SIAE: variants seen among roughly 807,000 people sequenced by gnomAD.
The protein encoded by SIAE is sialate O-acetylesterase.
Under a neutral mutation model 52.6 loss-of-function variants are expected in SIAE, and 39 were observed. That is an observed-to-expected ratio of 0.74 (90% CI 0.57 to 0.97). The LOEUF (loss-of-function observed/expected upper bound fraction) is 0.97, where lower values mean the gene tolerates loss of function less well. SIAE is among the 50% of genes least tolerant of loss of function. The pLI, the probability that SIAE is intolerant of heterozygous loss-of-function variation, is 0.00. For missense variants in SIAE, 592 were observed against 662.1 expected (o/e 0.89, Z 1.16); for synonymous variants, 233 against 241.4 (o/e 0.97, Z 0.32).
chr11:124,655,205 C>T (rs1307286320), intron 3 of SIAE, among the ~76,000 whole-genome samples: 1 of 144,204 alleles, frequency 6.9e-6, no homozygotes, highest in African/African-American at 2.7e-5. Flanking sequence ...GTGAGACAGT[C>T]TTGCTCTCTC....
intron 5 of SIAE, among the ~76,000 whole-genome samples, chr11:124,649,252 AG>A (rs1942983113): frequency 6.6e-6 from 1 of 151,626 alleles, no homozygotes; most frequent in East Asian, 1.9e-4. Context: ...TCTGAAATGT[AG>A]TGTCTTCACC....
intron 9 of SIAE, 70 bp downstream of exon 9, chr11:124,638,472 G>T: frequency 6.6e-7 from 1 of 1,512,778 alleles, no homozygotes; most frequent in Non-Finnish European, 9.2e-7. Flanking sequence ...AAAAGAGATG[G>T]CCTCAAGTGC....
chr11:124,644,353 G>GAAAA (rs370589585), intron 7 of SIAE, among the ~76,000 whole-genome samples: 6 of 102,146 alleles, frequency 5.9e-5, no homozygotes, highest in Admixed American at 1.1e-4. Context: ...TCTGTGGTGA[G>GAAAA]AAAAAAAAAA....
rs749083788 is a variant in SIAE, at chr11:124,660,651, T to C, written c.382A>G (p.Asn128Asp). Residue 128 changes from asparagine (N) to aspartate (D), a missense_variant, in exon 3 of 10, where the codon AAC (asparagine) becomes GAC (aspartate). Asn to Asp is a conservative substitution (Grantham distance 23). Transcript: ENST00000263593. ...GDVWLCSGQS[N>D]MQMTVLQIFN... ...ACCTGTAACACAGTCATCTGCATGT[T>C]ACTCTGCCCACTACAGAGCCAGACA... The C allele has an allele frequency of 3.1e-6, 5 of 1,614,188 alleles. No individual in the cohort carries two copies. In the South Asian group the frequency reaches 5.5e-5, roughly 18 times the overall value.
chr11:124,651,824 G>A (rs572944868), intron 4 of SIAE, among the ~76,000 whole-genome samples: 4 of 152,234 alleles, frequency 2.6e-5, no homozygotes, highest in South Asian at 4.2e-4. Flanking sequence ...CCTGATTCAC[G>A]TCTGTATCCC....
intron 2 of SIAE, among the ~76,000 whole-genome samples, chr11:124,666,049 C>T (rs1405107891): frequency 6.6e-6 from 1 of 152,118 alleles, no homozygotes; most frequent in Non-Finnish European, 1.5e-5. Flanking sequence ...GCTCGTATTC[C>T]TTGTGTCTGA....
intron 3 of SIAE, among the ~76,000 whole-genome samples, chr11:124,656,471 T>A (rs936056236): frequency 6.6e-6 from 1 of 152,066 alleles, no homozygotes; most frequent in East Asian, 1.9e-4. Context: ...CAAAGATAAA[T>A]CATATTTTCC....
chr11:124,666,978 T>G (rs1470008007), intron 2 of SIAE, among the ~76,000 whole-genome samples: 1 of 152,176 alleles, frequency 6.6e-6, no homozygotes, highest in Non-Finnish European at 1.5e-5. Flanking sequence ...GAAACAGGCA[T>G]GAAGGGAGAA....
At chr11:124,675,305 A>G (rs753028777), upstream of SIAE, 10 of 1,614,176 alleles carry the variant, frequency 6.2e-6, no homozygotes, top group Non-Finnish European at 8.5e-6. Flanking sequence ...CGAATTCCAC[A>G]AGGATTTGGG....
At chr11:124,663,509 G>A (rs955617575) in intron 2 of SIAE, among the ~76,000 whole-genome samples, 2 of 152,334 alleles carry the variant, frequency 1.3e-5, no homozygotes, top group East Asian at 1.9e-4. Context: ...GGGAGGCGGA[G>A]CTTGCAGTGA....
rs1230396657 is a variant in SIAE, at chr11:124,635,745, T to C, written c.*1206A>G. On this transcript the variant is annotated 3_prime_UTR_variant, in exon 10 of 10. Transcript: ENST00000263593. ...CCCATAGATAGTATTCTTACTCCTT[T>C]TCACATGCTTCAAGGACAGTTTGCA... is the stretch of plus-strand genomic sequence containing the variant. 6.6e-6 allele frequency: 1 copy of C among 152,222 alleles called. No homozygotes were observed. The highest frequency in any genetic ancestry group is 1.5e-5 in the Non-Finnish European group (1 of 68,042). The allele number at this position is 152,222 out of a possible 1,614,324, so 9.4% of individuals were successfully genotyped here.
chr11:124,655,035 T>C (rs997890366), intron 3 of SIAE, among the ~76,000 whole-genome samples: 2 of 152,172 alleles, frequency 1.3e-5, no homozygotes, highest in African/African-American at 2.4e-5. Context: ...AGCAGGTCTA[T>C]GTTAGACAAG....
chr11:124,650,306 G>C (rs1296623567), intron 4 of SIAE, among the ~76,000 whole-genome samples: 3 of 152,092 alleles, frequency 2.0e-5, no homozygotes, highest in African/African-American at 7.2e-5. Context: ...CCTCAAATAG[G>C]TGAGAGGTGG....
intron 4 of SIAE, among the ~76,000 whole-genome samples, chr11:124,651,021 C>T (rs1943008857): frequency 6.6e-6 from 1 of 152,102 alleles, no homozygotes; most frequent in African/African-American, 2.4e-5. Context: ...CATGCATGTA[C>T]ACACAAGGAT....
At chr11:124,675,436 A>G (rs770934856), upstream of SIAE, 1 of 1,599,720 alleles carries the variant, frequency 6.3e-7, no homozygotes, top group South Asian at 1.1e-5. Flanking sequence ...TTCTAAAATT[A>G]GTCATTTTTT....
intron 7 of SIAE, among the ~76,000 whole-genome samples, chr11:124,641,975 A>AAAAAAAG (rs1565408700): frequency 4.7e-5 from 7 of 149,730 alleles, no homozygotes; most frequent in African/African-American, 1.5e-4. Flanking sequence ...AAAAAAAAAA[A>AAAAAAAG]AAAAAAGAAA....
Position 124,639,690 on chromosome 11 carries a change from A to G in SIAE, c.1124+20T>C. ...CAAAGAACATACACTGTTCATGCAA[A>G]GCCCAAGAAGCAATCATACCTGCCA... is the stretch of plus-strand genomic sequence containing the variant. On this transcript the variant is annotated intron_variant, in intron 8 of 9. Coordinates refer to ENST00000263593, the MANE Select transcript of SIAE (RefSeq NM_170601.5). 6.2e-7 allele frequency: 1 copy of G among 1,613,962 alleles called. No individual in the cohort carries two copies. Among genetic ancestry groups the G allele is most frequent in the Non-Finnish European group, 8.5e-7 (1 of 1,179,836 alleles).
rs2134347132 is a variant in SIAE, at chr11:124,636,216, T to C, written c.*735A>G. 6.5e-6 allele frequency: 1 copy of C among 152,838 alleles called. No individual in the cohort carries two copies. The highest frequency in any genetic ancestry group is 2.1e-4 in the South Asian group (1 of 4,838). 9.5% of individuals were successfully genotyped at this position (152,838 alleles called of 1,614,324 possible). A position where few individuals can be genotyped will look rare whatever the true frequency, so the allele number is the denominator to read the frequency against. ...GGCAGTCACTTAGCACCTTCCAAAGTGCCTGCACATGTTTCTTATTTCATT... is the reference window on the plus strand; with the variant it reads ...GGCAGTCACTTAGCACCTTCCAAAGCGCCTGCACATGTTTCTTATTTCATT... On this transcript the variant is annotated 3_prime_UTR_variant, in exon 10 of 10. Transcript: ENST00000263593.
chr11:124,638,767 T>C, intron 8 of SIAE, 30 bp from the exon 9 acceptor site: 2 of 1,594,076 alleles, frequency 1.3e-6, no homozygotes, highest in Non-Finnish European at 1.7e-6. Context: ...TAGAGAACTT[T>C]GGGTTTAAGC....
Sources: allele counts gnomAD v4.1 joint callset (sites outside exome capture counted in the v4.1 genomes callset), GRCh38; gene constraint gnomAD v4.1.1; transcripts MANE v1.5; gene names NCBI Gene and HGNC (gene_info 2026-07-23, HGNC 2026-07-21).